The following HDAC5 variants were observed in gnomAD, a reference collection of about 807,000 sequenced individuals.
HDAC5 encodes the protein histone deacetylase 5.
HDAC5 carries 25 observed loss-of-function variants against 133.3 expected under a neutral mutation model. The observed-to-expected ratio is 0.19, with a 90% CI of 0.14 to 0.26. HDAC5 has a LOEUF of 0.26. HDAC5 is among the 10% of genes least tolerant of loss of function. The probability of loss-of-function intolerance (pLI) is 1.00; values close to 1 mark genes in which losing one functional copy is unlikely to be tolerated. For missense variants in HDAC5, 1,041 were observed against 1,460.5 expected (o/e 0.71, Z 4.68); for synonymous variants, 589 against 610.8 (o/e 0.96, Z 0.53).
chr17:44,109,746 T>G (rs1184567398), intron 3 of HDAC5, among the ~76,000 whole-genome samples: 1 of 152,246 alleles, frequency 6.6e-6, no homozygotes, highest in East Asian at 1.9e-4. Context: ...AAGCTTGGGA[T>G]GCACACCCAC....
At chr17:44,118,222 G>A (rs540467448) in intron 1 of HDAC5, among the ~76,000 whole-genome samples, 2 of 152,236 alleles carry the variant, frequency 1.3e-5, no homozygotes, top group Non-Finnish European at 2.9e-5. Context: ...ATGTGCTTCT[G>A]TTTTGGTCTC....
intron 3 of HDAC5, among the ~76,000 whole-genome samples, chr17:44,101,523 G>A (rs1017645856): frequency 5.9e-5 from 9 of 151,680 alleles, no homozygotes; most frequent in South Asian, 2.1e-4. Context: ...ACATTATTAC[G>A]CTGTTTGGAA....
chr17:44,089,908 G>A (rs1289538832), intron 11 of HDAC5, among the ~76,000 whole-genome samples: 2 of 134,884 alleles, frequency 1.5e-5, no homozygotes, highest in African/African-American at 5.5e-5. Context: ...CTCCAGCCTG[G>A]GCAACAAAGT....
rs188475660 is a variant in HDAC5 at position 44,080,665 on chromosome 17, C to G, written c.2727+98G>C. The G allele has an allele frequency of 2.7e-3, 4,239 of 1,556,644 alleles. 64 individuals are homozygous for G. Among genetic ancestry groups the G allele is most frequent in the Non-Finnish European group, 1.5e-3 (1,693 of 1,133,760 alleles). ...ACTAGGAGCCCAGACTCCCCAGGTA[C>G]CAACACCACCATGGGCCTCCGTGGC... is the stretch of plus-strand genomic sequence containing the variant. On this transcript the variant is annotated intron_variant, in intron 21 of 26. Coordinates refer to ENST00000682912, the MANE Select transcript of HDAC5 (RefSeq NM_005474.5).
intron 2 of HDAC5, among the ~76,000 whole-genome samples, chr17:44,114,506 C>T (rs1055591592): frequency 6.6e-6 from 1 of 152,018 alleles, no homozygotes; most frequent in Admixed American, 6.5e-5. Context: ...TTCTGGGAGG[C>T]GCTGGGCAGG....
intron 3 of HDAC5, among the ~76,000 whole-genome samples, chr17:44,107,162 G>A (rs2052007068): frequency 6.6e-6 from 1 of 151,932 alleles, no homozygotes; most frequent in Non-Finnish European, 1.5e-5. Context: ...ATGCTGCGCA[G>A]GCTGGTCTCA....
intron 3 of HDAC5, among the ~76,000 whole-genome samples, chr17:44,094,871 G>A (rs1042877039): frequency 3.9e-5 from 6 of 152,098 alleles, no homozygotes; most frequent in Middle Eastern, 3.4e-3. Context: ...TGGCATGATC[G>A]TGGCTCATGA....
At position 44,092,153 on chromosome 17, in the gene HDAC5, C is replaced by A; in HGVS notation, c.1032+19G>T. ...AGCAACTCTGTCCCCGCCCCACCAG[C>A]CCCCAGCCAGGCCTGTACCTCAGTG... On this transcript the variant is annotated intron_variant, in intron 9 of 26. Transcript: ENST00000682912. 3 of 1,599,436 alleles carry A rather than the reference C, an allele frequency of 1.9e-6. No individual in the cohort carries two copies. Among genetic ancestry groups the A allele is most frequent in the Admixed American group, 1.7e-5 (1 of 59,496 alleles).
At chr17:44,115,667 A>G (rs554882061) in intron 2 of HDAC5, among the ~76,000 whole-genome samples, 3 of 152,338 alleles carry the variant, frequency 2.0e-5, no homozygotes, top group Admixed American at 1.3e-4. Context: ...AAGGGCCTCA[A>G]GCAAACATCC....
Position 44,080,771 on chromosome 17 carries a change from G to A in HDAC5, c.2719C>T (p.Pro907Ser). ...NGNFFPGSGA[P>S]EEVGGGPGVG... ...ACGCCCAGGAGCTGTACCTCTTCAG[G>A]AGCCCCAGAGCCTGGAAAGAAGTTC... The change falls in exon 21 of 27, where the codon CCT (proline) becomes TCT (serine). Residue 907 changes from proline (P) to serine (S), a missense_variant. By Grantham distance (74) the Pro-to-Ser change is moderately conservative (BLOSUM62 -1). Transcript: ENST00000682912. The A allele has an allele frequency of 6.2e-7, 1 of 1,614,206 alleles. No individual in the cohort carries two copies. The highest frequency in any genetic ancestry group is 8.5e-7 in the Non-Finnish European group (1 of 1,180,040).
chr17:44,079,369 CGGT>C, intron 23 of HDAC5, 92 bp from the exon 24 acceptor site: 1 of 1,301,396 alleles, frequency 7.7e-7, no homozygotes, highest in Non-Finnish European at 1.1e-6. Flanking sequence ...AGGCCAGGCG[CGGT>C]GGCTCACGCC....
chr17:44,092,815 G>T lies in HDAC5; in HGVS notation c.642-9C>A, dbSNP rs753034921. The T allele has an allele frequency of 7.4e-5, 37 of 499,682 alleles. No homozygotes were observed. The highest frequency in any genetic ancestry group is 7.3e-4 in the Middle Eastern group (2 of 2,732). The allele number at this position is 499,682 out of a possible 1,614,324, so 31.0% of individuals were successfully genotyped here. A position where few individuals can be genotyped will look rare whatever the true frequency, so the allele number is the denominator to read the frequency against. ...AAGCATGGTGGGCTCCCCTGGGGTG[G>T]GGGGGGGGTGGGGATGGAAGCAGAT... On this transcript the variant is annotated splice_polypyrimidine_tract_variant and intron_variant, in intron 6 of 26. Coordinates refer to ENST00000682912, the MANE Select transcript of HDAC5 (RefSeq NM_005474.5).
intron 1 of HDAC5, 199 bp downstream of exon 1, chr17:44,123,305 A>T (rs1444050129): frequency 3.1e-6 from 1 of 323,038 alleles, no homozygotes; most frequent in Non-Finnish European, 5.6e-6. Flanking sequence ...CGCGCGCAGC[A>T]ACCCCGATGT....
At chr17:44,086,106 C>T (rs970172946) in intron 14 of HDAC5, among the ~76,000 whole-genome samples, 13 of 152,200 alleles carry the variant, frequency 8.5e-5, no homozygotes, top group African/African-American at 2.4e-4. Context: ...ACCCTTCTCA[C>T]GGCACCTCCT....
intron 9 of HDAC5, 43 bp downstream of exon 9, chr17:44,092,129 G>A: frequency 1.3e-6 from 2 of 1,543,116 alleles, no homozygotes; most frequent in Non-Finnish European, 1.8e-6. Flanking sequence ...ATGGGAAGGA[G>A]CAACTCTGTC....
intron 2 of HDAC5, chr17:44,111,725 C>T: frequency 2.0e-6 from 1 of 505,766 alleles, no homozygotes; most frequent in South Asian, 1.4e-5. Context: ...CTTCAACCAG[C>T]AGAGAGACCC....
chr17:44,093,746 C>A lies in HDAC5; in HGVS notation c.183G>T (p.Gly61=). 6.2e-7 allele frequency: 1 copy of A among 1,602,974 alleles called. No individual in the cohort carries two copies. The highest frequency in any genetic ancestry group is 2.2e-5 in the East Asian group (1 of 44,686). The change falls in exon 4 of 27, where the codon GGG becomes GGT. Residue 61 remains glycine, a synonymous_variant. Transcript: ENST00000682912. ...TGGGGTCCACAGAGCCCACCAGAGC[C>A]CCCCGTAGCTCCACAGGGCTGGGGC... ...GGSPSPVELR[G]ALVGSVDPTL...
At position 44,091,768 on chromosome 17, in the gene HDAC5, A is replaced by T; in HGVS notation, c.1096T>A (p.Ser366Thr). 2 of 1,602,352 alleles carry T rather than the reference A, an allele frequency of 1.2e-6. No individual in the cohort carries two copies. The highest frequency in any genetic ancestry group is 8.5e-7 in the Non-Finnish European group (1 of 1,174,386). ...SSPNQFSLYT[S>T]PSLPNISLGL... ...AGGGAGATGTTGGGCAGAGAAGGAG[A>T]CGTGTAGAGGCTGAACTGGTTGGGG... The change falls in exon 10 of 27, where the codon TCT (serine) becomes ACT (threonine). Residue 366 changes from serine (S) to threonine (T), a missense_variant. By Grantham distance (58) the Ser-to-Thr change is moderately conservative. Transcript: ENST00000682912.
intron 12 of HDAC5, among the ~76,000 whole-genome samples, 162 bp downstream of exon 12, chr17:44,088,225 C>A (rs1206869926): frequency 6.6e-6 from 1 of 152,178 alleles, no homozygotes; most frequent in African/African-American, 2.4e-5. Flanking sequence ...GTTGGCCAGG[C>A]TGGTCTCGAA....
Sources: gnomAD v4.1 joint callset for allele counts (sites outside exome capture counted in the v4.1 genomes callset) on GRCh38, gnomAD v4.1.1 for gene constraint, MANE v1.5 for transcripts, NCBI Gene and HGNC (gene_info 2026-07-23, HGNC 2026-07-21) for gene names.